HHLA1: variants seen among roughly 807,000 people sequenced by gnomAD.
The protein encoded by HHLA1 is HHLA1 neighbor of OC90, also known as HERV-H LTR-associating protein 1.
HHLA1 carries 72 observed loss-of-function variants against 69.9 expected under a neutral mutation model. The ratio of observed to expected loss-of-function variants is 1.03; its 90% CI spans 0.85 to 1.25. The LOEUF (loss-of-function observed/expected upper bound fraction) is 1.25, where lower values mean the gene tolerates loss of function less well. HHLA1 is among the 50% of genes most tolerant of loss of function. The pLI is 0.00. For missense variants in HHLA1, 685 were observed against 642.2 expected, an observed-to-expected ratio of 1.07 and a Z score of -0.72; for synonymous variants, 252 against 233.2, an observed-to-expected ratio of 1.08 and a Z score of -0.73.
rs974449226 is a variant in HHLA1 at position 132,065,990 on chromosome 8, G to C, written c.1470-22C>G. 8 of 1,132,374 alleles carry C rather than the reference G, an allele frequency of 7.1e-6. No individual in the cohort carries two copies. In the African/African-American group the frequency reaches 1.1e-4, roughly 16 times the overall value. 70.1% of individuals were successfully genotyped at this position (1,132,374 alleles called of 1,614,324 possible). A position where few individuals can be genotyped will look rare whatever the true frequency, so the allele number is the denominator to read the frequency against. ...GTATCTAAAGATTTAAATCAGAGCAGGGAGCAATAACTATCCTGTGATGGC... is the reference window on the plus strand; with the variant it reads ...GTATCTAAAGATTTAAATCAGAGCACGGAGCAATAACTATCCTGTGATGGC... On this transcript the variant is annotated intron_variant, in intron 15 of 16. Coordinates refer to ENST00000414222, the MANE Select transcript of HHLA1 (RefSeq NM_001145095.3).
At chr8:132,083,636 G>A (rs564165869) in intron 10 of HHLA1, among the ~76,000 whole-genome samples, 1 of 152,280 alleles carries the variant, frequency 6.6e-6, no homozygotes, top group East Asian at 1.9e-4. Flanking sequence ...GATGGGACGC[G>A]GCTTAGGAGG....
In HHLA1 at chr8:132,104,184, T is replaced by C. The variant is rs117690686; in HGVS notation, c.80-17A>G. The C allele has an allele frequency of 1.2e-3, 1,817 of 1,534,298 alleles. 4 individuals are homozygous for C. The highest frequency in any genetic ancestry group is 1.4e-3 in the Non-Finnish European group (1,582 of 1,131,972). On this transcript the variant is annotated splice_polypyrimidine_tract_variant and intron_variant, in intron 2 of 16. Transcript: ENST00000414222. ...TGCCAGACACTAAAGTAAAAAAGGT[T>C]TAATCACAGAAATTATAACCAAGAC...
chr8:132,101,357 T>G, intron 3 of HHLA1: 1 of 1,480,376 alleles, frequency 6.8e-7, no homozygotes, highest in Non-Finnish European at 9.0e-7. Flanking sequence ...AATCATCTTG[T>G]CCAACACTTT....
At chr8:132,080,241 T>C in intron 10 of HHLA1, 3 of 489,132 alleles carry the variant, frequency 6.1e-6, no homozygotes, top group Non-Finnish European at 1.2e-5. Context: ...CTAAATTTCA[T>C]GTGCGTCCGT....
Position 132,077,702 on chromosome 8 carries a change from G to T in HHLA1, c.1171+24C>A, listed in dbSNP as rs747049256. 4 of 1,549,076 alleles carry T rather than the reference G, an allele frequency of 2.6e-6. No individual in the cohort carries two copies. The Middle Eastern group carries it at 6.7e-4, about 259-fold the overall frequency. On this transcript the variant is annotated intron_variant, in intron 12 of 16. Coordinates refer to ENST00000414222, the MANE Select transcript of HHLA1 (RefSeq NM_001145095.3). Reference sequence around the variant, plus strand: ...CTAAGTTTAATTTAAAACGGGAGAGGTAGAAGTGAGCACCCTCTCTTACCC... The same window carrying T: ...CTAAGTTTAATTTAAAACGGGAGAGTTAGAAGTGAGCACCCTCTCTTACCC...
chr8:132,100,189 C>G (rs1824090701), intron 3 of HHLA1, 55 bp from the exon 4 acceptor site: 12 of 1,332,462 alleles, frequency 9.0e-6, no homozygotes, highest in Middle Eastern at 1.8e-4. Context: ...TTCCTACCCC[C>G]AGGAATGGAA....
chr8:132,070,397 C>A (rs1383696871), intron 15 of HHLA1: 3 of 701,854 alleles, frequency 4.3e-6, no homozygotes, highest in Admixed American at 2.0e-5. Flanking sequence ...TTTAGATAGA[C>A]ATATCTTCTA....
chr8:132,075,824 A>T (rs866559322), intron 14 of HHLA1, among the ~76,000 whole-genome samples: 2 of 152,222 alleles, frequency 1.3e-5, no homozygotes, highest in Admixed American at 6.5e-5. Flanking sequence ...ATAAAAAAAC[A>T]GGCATTTTTA....
chr8:132,108,519 T>C (rs984934062), intron 1 of HHLA1, among the ~76,000 whole-genome samples: 5 of 152,194 alleles, frequency 3.3e-5, no homozygotes, highest in Admixed American at 6.5e-5. Flanking sequence ...TAATTATTTA[T>C]AAATCTTTGT....
chr8:132,109,594 A>G (rs1007656121), intron 1 of HHLA1, among the ~76,000 whole-genome samples: 1 of 152,172 alleles, frequency 6.6e-6, no homozygotes, highest in Non-Finnish European at 1.5e-5. Context: ...CAACTTCTCA[A>G]GCATCCCATG....
intron 8 of HHLA1, among the ~76,000 whole-genome samples, chr8:132,088,833 G>A (rs141725080): frequency 6.6e-6 from 1 of 152,280 alleles, no homozygotes; most frequent in African/African-American, 2.4e-5. Context: ...TATAGTAGCT[G>A]CCCCAAAAGG....
At chr8:132,109,152 G>A (rs898039773) in intron 1 of HHLA1, among the ~76,000 whole-genome samples, 2 of 152,152 alleles carry the variant, frequency 1.3e-5, no homozygotes, top group Non-Finnish European at 2.9e-5. Flanking sequence ...GATTACAGGT[G>A]CCCACCACCA....
At chr8:132,084,852 T>C (rs1378697716) in intron 10 of HHLA1, among the ~76,000 whole-genome samples, 3 of 150,834 alleles carry the variant, frequency 2.0e-5, no homozygotes, top group African/African-American at 4.9e-5. Flanking sequence ...AGATAAGAGG[T>C]TGGGGTGTGG....
intron 15 of HHLA1, among the ~76,000 whole-genome samples, chr8:132,068,213 C>A (rs78289574): frequency 0.014 from 2,132 of 152,310 alleles, 45 homozygotes; most frequent in African/African-American, 0.046. Context: ...GCAGCAACCA[C>A]AGAAACATGA....
At chr8:132,082,929 G>A (rs1424412859) in intron 10 of HHLA1, among the ~76,000 whole-genome samples, 1 of 151,900 alleles carries the variant, frequency 6.6e-6, no homozygotes, top group African/African-American at 2.4e-5. Context: ...GCTGTAGCAG[G>A]TGAGTGATAA....
Position 132,099,378 on chromosome 8 carries a change from C to T in HHLA1, c.200-416G>A, listed in dbSNP as rs562555085. ...ACACCCTGGCTGAGCATTGACATCA[C>T]CTGGAAATATACATTTTTTTAATTA... On this transcript the variant is annotated intron_variant, in intron 4 of 16. Coordinates refer to ENST00000414222, the MANE Select transcript of HHLA1 (RefSeq NM_001145095.3). Among the ~76,000 whole-genome samples the T allele has an allele frequency of 1.9e-3, 285 of 152,332 alleles. 2 individuals carry two copies. The highest frequency in any genetic ancestry group is 6.6e-3 in the African/African-American group (274 of 41,566).
rs1170328462 is a variant in HHLA1, at chr8:132,104,170, A to G, written c.80-3T>C. On this transcript the variant is annotated splice_region_variant and splice_polypyrimidine_tract_variant and intron_variant, in intron 2 of 16. Coordinates refer to ENST00000414222, the MANE Select transcript of HHLA1 (RefSeq NM_001145095.3). ...GGCTTCTCCTTTGATGCCAGACACTAAAGTAAAAAAGGTTTAATCACAGAA... is the reference window on the plus strand; with the variant it reads ...GGCTTCTCCTTTGATGCCAGACACTGAAGTAAAAAAGGTTTAATCACAGAA... The G allele has an allele frequency of 1.9e-6, 3 of 1,547,968 alleles. No homozygotes were observed. Among genetic ancestry groups the G allele is most frequent in the Non-Finnish European group, 2.6e-6 (3 of 1,143,866 alleles).
intron 3 of HHLA1, chr8:132,101,130 G>A (rs1270710945): frequency 6.6e-7 from 1 of 1,517,310 alleles, no homozygotes; most frequent in South Asian, 1.3e-5. Flanking sequence ...AGAAGGTGCT[G>A]TATTTTACAT....
intron 15 of HHLA1, among the ~76,000 whole-genome samples, chr8:132,068,751 A>G (rs1010017146): frequency 6.6e-6 from 1 of 152,178 alleles, no homozygotes; most frequent in African/African-American, 2.4e-5. Flanking sequence ...AGCCGTGGAC[A>G]CTTCACTGGG....
Sources: gnomAD v4.1 joint callset for allele counts (sites outside exome capture counted in the v4.1 genomes callset) on GRCh38, gnomAD v4.1.1 for gene constraint, MANE v1.5 for transcripts, NCBI Gene and HGNC (gene_info 2026-07-23, HGNC 2026-07-21) for gene names.